SEMA5A: variants seen among roughly 807,000 people sequenced by gnomAD.
The protein encoded by SEMA5A is semaphorin-5A.
A neutral mutation model predicts 135.5 loss-of-function variants in SEMA5A; 55 were observed. The observed-to-expected ratio is 0.41, with a 90% confidence interval of 0.33 to 0.51. The LOEUF is 0.51. SEMA5A is among the 20% of genes least tolerant of loss of function. The probability of loss-of-function intolerance (pLI) is 0.37; values close to 1 mark genes in which losing one functional copy is unlikely to be tolerated. For synonymous variants in SEMA5A, 580 were observed against 546.5 expected (o/e 1.06, Z -0.85); for missense variants, 1,290 against 1,419.9 (o/e 0.91, Z 1.47).
intron 4 of SEMA5A, among the ~76,000 whole-genome samples, chr5:9,335,251 G>A (rs1753334384): frequency 6.6e-6 from 1 of 152,130 alleles, no homozygotes; most frequent in Admixed American, 6.5e-5. Context: ...GAGAGAGAGA[G>A]ACACCCCACT....
intron 5 of SEMA5A, among the ~76,000 whole-genome samples, chr5:9,293,899 T>G (rs1751205212): frequency 6.6e-6 from 1 of 152,198 alleles, no homozygotes; most frequent in Non-Finnish European, 1.5e-5. Context: ...AGCTGTAAAC[T>G]AACATAGAGA....
intron 11 of SEMA5A, among the ~76,000 whole-genome samples, chr5:9,178,425 G>A (rs752835535): frequency 2.0e-5 from 3 of 149,022 alleles, no homozygotes; most frequent in Non-Finnish European, 3.0e-5. Context: ...TCCATCTCCC[G>A]GGTTCAAGTG....
At chr5:9,496,692 G>T (rs908277273) in intron 1 of SEMA5A, among the ~76,000 whole-genome samples, 1 of 152,052 alleles carries the variant, frequency 6.6e-6, no homozygotes, top group African/African-American at 2.4e-5. Flanking sequence ...CTGTCTGCTC[G>T]GTCACCAGCC....
intron 5 of SEMA5A, among the ~76,000 whole-genome samples, chr5:9,252,689 G>C (rs1398340348): frequency 6.6e-6 from 1 of 152,144 alleles, no homozygotes; most frequent in Non-Finnish European, 1.5e-5. Flanking sequence ...CATTATTCAA[G>C]CACAGCCAAG....
intron 1 of SEMA5A, among the ~76,000 whole-genome samples, chr5:9,514,038 T>A (rs1736367712): frequency 6.6e-6 from 1 of 152,220 alleles, no homozygotes; most frequent in Non-Finnish European, 1.5e-5. Context: ...CTGCTCCCTC[T>A]GGAGGCTATA....
Position 9,380,024 on chromosome 5 carries a change from C to T in SEMA5A, c.-77-1G>A. The T allele has an allele frequency of 6.7e-7, 1 of 1,497,064 alleles. No individual in the cohort carries two copies. Among genetic ancestry groups the T allele is most frequent in the Non-Finnish European group, 8.9e-7 (1 of 1,117,456 alleles). The allele number at this position is 1,497,064 out of a possible 1,614,324, so 92.7% of individuals were successfully genotyped here. A position where few individuals can be genotyped will look rare whatever the true frequency, so the allele number is the denominator to read the frequency against. ...TCTTCTCCTCATGTGTGGAAAGTGC[C>T]TAAAACACACAAAAGAGAAGAATCA... On this transcript the variant is annotated splice_acceptor_variant, in intron 2 of 22. Transcript: ENST00000382496. LOFTEE classifies it low-confidence loss of function (5UTR_SPLICE).
chr5:9,162,478 G>GTGTGTATATATATGTGTGTGTGTATATA (rs1743324410), intron 11 of SEMA5A, among the ~76,000 whole-genome samples: 2 of 79,496 alleles, frequency 2.5e-5, no homozygotes, highest in Non-Finnish European at 3.7e-5. Flanking sequence ...ATATATGTGT[G>GTGTGTATATATATGTGTGTGTGTATATA]TGTGTATATA....
At position 9,036,274 on chromosome 5, in the gene SEMA5A, A is replaced by AATC. The variant is rs1735649558; in HGVS notation, c.*6620_*6622dup. ...AACAGTCATGGTAAAAGAGAAAAAC[A>AATC]ATCAACTTCAGCAGAGATAATACTA... On this transcript the variant is annotated 3_prime_UTR_variant, in exon 23 of 23. Transcript: ENST00000382496. 1 of 152,160 alleles carries AATC rather than the reference A, an allele frequency of 6.6e-6. No homozygotes were observed. The highest frequency in any genetic ancestry group is 2.4e-5 in the African/African-American group (1 of 41,410). The allele number at this position is 152,160 out of a possible 1,614,324, so 9.4% of individuals were successfully genotyped here.
At chr5:9,389,676 C>T (rs531781711) in intron 2 of SEMA5A, among the ~76,000 whole-genome samples, 1 of 151,886 alleles carries the variant, frequency 6.6e-6, no homozygotes, top group Non-Finnish European at 1.5e-5. Context: ...CTGTCCTGAC[C>T]AACCTCCTGT....
At chr5:9,341,636 C>T (rs1462008288) in intron 3 of SEMA5A, among the ~76,000 whole-genome samples, 1 of 144,554 alleles carries the variant, frequency 6.9e-6, no homozygotes, top group Non-Finnish European at 1.5e-5. Flanking sequence ...AATATGGCAG[C>T]CAATATGACT....
chr5:9,493,586 A>C (rs1417264842), intron 1 of SEMA5A, among the ~76,000 whole-genome samples: 1 of 152,184 alleles, frequency 6.6e-6, no homozygotes, highest in Non-Finnish European at 1.5e-5. Context: ...GAAAAATCTA[A>C]TTAGGGCCTG....
intron 13 of SEMA5A, among the ~76,000 whole-genome samples, chr5:9,136,161 G>A (rs1741729847): frequency 6.6e-6 from 1 of 152,110 alleles, no homozygotes; most frequent in South Asian, 2.1e-4. Flanking sequence ...GGGTGTGGAA[G>A]TTTCTCTTTT....
At chr5:9,526,749 G>T (rs954146916) in intron 1 of SEMA5A, among the ~76,000 whole-genome samples, 3 of 152,180 alleles carry the variant, frequency 2.0e-5, no homozygotes, top group Non-Finnish European at 4.4e-5. Context: ...TGCTCAGAGG[G>T]TCAGGATGCT....
At position 9,182,579 on chromosome 5, in the gene SEMA5A, G is replaced by T. The variant is rs568537834; in HGVS notation, c.1273+7688C>A. 1.3e-3 allele frequency among the ~76,000 whole-genome samples: 191 copies of T among 152,108 alleles called. 1 individual carries two copies. Among genetic ancestry groups the T allele is most frequent in the African/African-American group, 4.3e-3 (178 of 41,502 alleles). On this transcript the variant is annotated intron_variant, in intron 11 of 22. Transcript: ENST00000382496. ...TTTGTCCCCCTAAGAACCAATGTTT[G>T]CTTCATTGAGGGTGACATCTGCCTA...
At position 9,122,779 on chromosome 5, in the gene SEMA5A, G is replaced by A. The variant is rs766125610; in HGVS notation, c.1658C>T (p.Thr553Met). ...TCCCACGGCGCTGCCATCTGTGTGC[G>A]TGCAAGGCGTCCACGGAGACCACAC... ...FGVWSPWTPC[T>M]HTDGSAVGSC... The change falls in exon 14 of 23, where the codon ACG becomes ATG. Residue 553 changes from threonine to methionine, a missense_variant. This residue lies in a region of SEMA5A where 1,029 missense variants were observed against 1,086.6 expected (regional missense o/e 0.95). Coordinates refer to ENST00000382496, the MANE Select transcript of SEMA5A (RefSeq NM_003966.3). 9 of 1,613,056 alleles carry A rather than the reference G, an allele frequency of 5.6e-6. No individual in the cohort carries two copies. The highest frequency in any genetic ancestry group is 4.4e-5 in the South Asian group (4 of 90,954).
rs200629661 is a variant in SEMA5A, at chr5:9,122,759, C to T, written c.1678G>A (p.Val560Met). The T allele has an allele frequency of 5.6e-6, 9 of 1,613,598 alleles. No homozygotes were observed. Among genetic ancestry groups the T allele is most frequent in the East Asian group, 4.5e-5 (2 of 44,834 alleles). The change falls in exon 14 of 23, where the codon GTG becomes ATG. Residue 560 changes from valine to methionine, a missense_variant. Coordinates refer to ENST00000382496, the MANE Select transcript of SEMA5A (RefSeq NM_003966.3). ...TPCTHTDGSA[V>M]GSCLCRTRSC... ...CGGGTTCGACAGAGGCAGGATCCCACGGCGCTGCCATCTGTGTGCGTGCAA... is the reference window on the plus strand; with the variant it reads ...CGGGTTCGACAGAGGCAGGATCCCATGGCGCTGCCATCTGTGTGCGTGCAA...
chr5:9,085,657 C>T (rs1208931638), intron 16 of SEMA5A, among the ~76,000 whole-genome samples: 2 of 152,190 alleles, frequency 1.3e-5, no homozygotes, highest in African/African-American at 2.4e-5. Flanking sequence ...GGGTGGGGCT[C>T]TCATGGAGAA....
At chr5:9,448,816 G>A (rs1265479865) in intron 1 of SEMA5A, among the ~76,000 whole-genome samples, 1 of 152,144 alleles carries the variant, frequency 6.6e-6, no homozygotes, top group African/African-American at 2.4e-5. Flanking sequence ...ACCGTGACAT[G>A]TGATGCTGGC....
At chr5:9,398,566 T>C (rs1160634393) in intron 2 of SEMA5A, among the ~76,000 whole-genome samples, 1 of 152,192 alleles carries the variant, frequency 6.6e-6, no homozygotes, top group Non-Finnish European at 1.5e-5. Context: ...AGAGCCTCAG[T>C]AGAGTAGAAA....
Sources: gnomAD v4.1 joint callset for allele counts (sites outside exome capture counted in the v4.1 genomes callset) on GRCh38, gnomAD v4.1.1 for gene constraint, gnomAD v4.1.1 regional missense constraint, MANE v1.5 for transcripts, NCBI Gene and HGNC (gene_info 2026-07-23, HGNC 2026-07-21) for gene names.